The following STIP1 variants were observed in gnomAD, a reference collection of about 807,000 sequenced individuals.
STIP1 encodes stress induced phosphoprotein 1, also known as stress-induced-phosphoprotein 1.
STIP1 carries 16 observed loss-of-function variants against 77.4 expected under a neutral mutation model. The observed-to-expected ratio is 0.21, with a 90% confidence interval of 0.14 to 0.31. The LOEUF is 0.31. STIP1 is among the 10% of genes least tolerant of loss of function. The pLI is 1.00. For missense variants in STIP1, 524 were observed against 684.8 expected, an observed-to-expected ratio of 0.77 and a Z score of 2.62; for synonymous variants, 258 against 246.6, an observed-to-expected ratio of 1.05 and a Z score of -0.44.
intron 1 of STIP1, among the ~76,000 whole-genome samples, chr11:64,188,491 G>A (rs938908128): frequency 4.6e-5 from 7 of 152,130 alleles, no homozygotes; most frequent in Admixed American, 3.9e-4. Flanking sequence ...GGCCTCAAGC[G>A]ATCCTCCTGC....
At chr11:64,190,951 G>A (rs1474327264) in intron 1 of STIP1, among the ~76,000 whole-genome samples, 1 of 152,164 alleles carries the variant, frequency 6.6e-6, no homozygotes, top group Non-Finnish European at 1.5e-5. Context: ...ACTTTGGGAG[G>A]CCAAGGCAGG....
chr11:64,185,474 C>G (rs923949636), upstream of STIP1: 6 of 307,912 alleles, frequency 1.9e-5, no homozygotes, highest in Non-Finnish European at 3.7e-5. Context: ...AGGGCCGGGC[C>G]GAGGCCGGAG....
At chr11:64,196,616 C>T (rs1025259746) in intron 5 of STIP1, among the ~76,000 whole-genome samples, 11 of 152,106 alleles carry the variant, frequency 7.2e-5, no homozygotes, top group Non-Finnish European at 1.5e-4. Context: ...TGCTTCCTGG[C>T]TGGACATGGT....
At chr11:64,190,472 C>T (rs1591004945) in intron 1 of STIP1, among the ~76,000 whole-genome samples, 3 of 152,188 alleles carry the variant, frequency 2.0e-5, no homozygotes, top group African/African-American at 7.2e-5. Flanking sequence ...CTGCACCCGG[C>T]AGCAGCTAAT....
At chr11:64,189,682 T>C (rs1946069485) in intron 1 of STIP1, among the ~76,000 whole-genome samples, 1 of 152,226 alleles carries the variant, frequency 6.6e-6, no homozygotes, top group Admixed American at 6.5e-5. Context: ...TTATGTGCAC[T>C]GTGTGCTGGT....
intron 5 of STIP1, chr11:64,196,716 C>G (rs1487863016): frequency 6.4e-6 from 1 of 156,464 alleles, no homozygotes; most frequent in East Asian, 1.9e-4. Context: ...TAAACTGGAA[C>G]AGCAGATTGT....
In STIP1 at chr11:64,197,108, C is replaced by G. The variant is rs573704184; in HGVS notation, c.673-163C>G. 5.8e-6 allele frequency: 5 copies of G among 861,698 alleles called. No individual in the cohort carries two copies. The South Asian group carries it at 7.6e-5, about 13-fold the overall frequency. 53.4% of individuals were successfully genotyped at this position (861,698 alleles called of 1,614,324 possible). A position where few individuals can be genotyped will look rare whatever the true frequency, so the allele number is the denominator to read the frequency against. On this transcript the variant is annotated intron_variant, in intron 5 of 13. Transcript: ENST00000305218. Reference sequence around the variant, plus strand: ...ATGAAGTTAGTTTTCATTCTAACGGCTGATACTTTATTGTCTATAGCTGAC... The same window carrying G: ...ATGAAGTTAGTTTTCATTCTAACGGGTGATACTTTATTGTCTATAGCTGAC...
rs1946201895 is a variant in STIP1, at chr11:64,200,198, A to G, written c.1150A>G (p.Thr384Ala). The G allele has an allele frequency of 1.9e-6, 3 of 1,613,926 alleles. No individual in the cohort carries two copies. The highest frequency in any genetic ancestry group is 2.2e-5 in the South Asian group (2 of 91,074). The change falls in exon 10 of 14, where the codon ACA becomes GCA. Residue 384 changes from threonine to alanine, a missense_variant. Coordinates refer to ENST00000305218, the MANE Select transcript of STIP1 (RefSeq NM_006819.3). ...GDYPQAMKHY[T>A]EAIKRNPKDA... is the part of the protein sequence containing the mutation. The stretch of plus-strand genomic sequence containing the variant: ...CTATCCCCAGGCCATGAAGCATTAT[A>G]CAGAAGCCATCAAAAGGAACCCGAA...
At position 64,193,023 on chromosome 11, in the gene STIP1, A is replaced by G. The variant is rs1404164180; in HGVS notation, c.10-55A>G. The G allele has an allele frequency of 1.9e-6, 3 of 1,550,800 alleles. No individual in the cohort carries two copies. The Admixed American group carries it at 5.2e-5, about 27-fold the overall frequency. On this transcript the variant is annotated intron_variant, in intron 1 of 13. Coordinates refer to ENST00000305218, the MANE Select transcript of STIP1 (RefSeq NM_006819.3). ...ATGAAAGAATGAGTGTTGTCTTTAA[A>G]GCTTGGGATTAAATGGGCACATCAT...
intron 10 of STIP1, among the ~76,000 whole-genome samples, chr11:64,201,362 C>T (rs1300274438): frequency 6.6e-6 from 1 of 152,158 alleles, no homozygotes; most frequent in Non-Finnish European, 1.5e-5. Context: ...TTTGAGGAAC[C>T]ACCATATGTT....
chr11:64,191,119 AGAG>A (rs1218481466), intron 1 of STIP1, among the ~76,000 whole-genome samples: 1 of 145,708 alleles, frequency 6.9e-6, no homozygotes, highest in Non-Finnish European at 1.5e-5. Flanking sequence ...CCTGGGAGGC[AGAG>A]GTTGTGGTGA....
upstream of STIP1, chr11:64,186,021 G>A: frequency 3.2e-6 from 5 of 1,545,238 alleles, no homozygotes; most frequent in Non-Finnish European, 4.4e-6. Context: ...GGGGAGGCAG[G>A]GTTGAGGGAA....
chr11:64,186,710 C>T (rs1349776876), intron 1 of STIP1, among the ~76,000 whole-genome samples: 1 of 152,220 alleles, frequency 6.6e-6, no homozygotes, highest in Non-Finnish European at 1.5e-5. Flanking sequence ...AGAAACCGCT[C>T]GGGACTTAGC....
upstream of STIP1, chr11:64,185,351 G>A: frequency 5.7e-6 from 1 of 175,124 alleles, no homozygotes; most frequent in South Asian, 1.1e-4. Context: ...CGCCCAAGCG[G>A]GACAGCCGGG....
At chr11:64,195,973 C>T (rs931217045) in intron 5 of STIP1, 160 bp downstream of exon 5, 259 of 951,822 alleles carry the variant, frequency 2.7e-4, no homozygotes, top group Non-Finnish European at 1.1e-4. Context: ...AACTTCTGGC[C>T]TCAAGCGATG....
chr11:64,199,017 G>C (rs1163619719), intron 8 of STIP1, among the ~76,000 whole-genome samples: 3 of 150,948 alleles, frequency 2.0e-5, no homozygotes, highest in South Asian at 4.2e-4. Context: ...GGCCAGGATG[G>C]TGAAACCCCG....
chr11:64,189,399 C>T (rs140816882), intron 1 of STIP1, among the ~76,000 whole-genome samples: 183 of 152,158 alleles, frequency 1.2e-3, no homozygotes, highest in African/African-American at 4.0e-3. Flanking sequence ...TTGTGGTGCG[C>T]GCCTGTGGTC....
chr11:64,202,685 C>G, intron 10 of STIP1, 191 bp from the exon 11 acceptor site: 1 of 623,722 alleles, frequency 1.6e-6, no homozygotes, highest in Non-Finnish European at 2.9e-6. Context: ...TTCATAACAT[C>G]AGCCTCTTGC....
chr11:64,195,946 T>A, intron 5 of STIP1, 133 bp downstream of exon 5: 1 of 1,334,424 alleles, frequency 7.5e-7, no homozygotes. Flanking sequence ...CTTGCTGTGT[T>A]TCCCAGGTTG....
Sources: allele counts gnomAD v4.1 joint callset (sites outside exome capture counted in the v4.1 genomes callset), GRCh38; gene constraint gnomAD v4.1.1; transcripts MANE v1.5; gene names NCBI Gene and HGNC (gene_info 2026-07-23, HGNC 2026-07-21).